Variants in MYO9A observed in about 807,000 individuals in gnomAD.
The protein encoded by MYO9A is unconventional myosin-IXa.
In MYO9A, 103 loss-of-function variants were observed where a neutral mutation model predicts 293.3. The ratio of observed to expected loss-of-function variants is 0.35; its 90% confidence interval spans 0.30 to 0.41. The LOEUF is 0.41. Ranked by LOEUF, MYO9A falls within the 10% of genes least tolerant of loss-of-function variation. The probability of loss-of-function intolerance (pLI) is 1.00; values close to 1 mark genes in which losing one functional copy is unlikely to be tolerated. For synonymous variants in MYO9A, 1,001 were observed against 1,035.7 expected, an observed-to-expected ratio of 0.97 and a Z score of 0.64; for missense variants, 2,685 against 3,033.0, an observed-to-expected ratio of 0.89 and a Z score of 2.69.
At chr15:71,887,122 A>G (rs2142867650) in intron 27 of MYO9A, among the ~76,000 whole-genome samples, 1 of 152,244 alleles carries the variant, frequency 6.6e-6, no homozygotes, top group South Asian at 2.1e-4. Flanking sequence ...CCATTTCTAA[A>G]ATGCTTACCT....
intron 10 of MYO9A, 23 bp from the exon 11 acceptor site, chr15:71,991,260 G>A (rs773816918): frequency 1.4e-5 from 22 of 1,538,104 alleles, no homozygotes; most frequent in Non-Finnish European, 1.9e-5. Context: ...AGAAAGTTTT[G>A]ATTAAAAGTA....
At chr15:71,847,555 A>G (rs2055441488) in intron 39 of MYO9A, 6 of 389,526 alleles carry the variant, frequency 1.5e-5, no homozygotes, top group Admixed American at 9.5e-5. Flanking sequence ...TAATCTTGCA[A>G]TGGACTGAAT....
chr15:71,843,691 G>A (rs73432498), intron 39 of MYO9A, among the ~76,000 whole-genome samples: 3,400 of 152,074 alleles, frequency 0.022, 122 homozygotes, highest in African/African-American at 0.079. Context: ...GGGTTTCACC[G>A]CATTGCCTAG....
intron 12 of MYO9A, among the ~76,000 whole-genome samples, chr15:71,974,694 A>G (rs2076093447): frequency 6.6e-6 from 1 of 152,142 alleles, no homozygotes; most frequent in African/African-American, 2.4e-5. Context: ...CCTTCACTCT[A>G]TCTAGCAAAA....
chr15:71,939,661 G>A (rs566911099), intron 15 of MYO9A, among the ~76,000 whole-genome samples: 114 of 152,168 alleles, frequency 7.5e-4, no homozygotes, highest in African/African-American at 2.6e-3. Flanking sequence ...TTATAAATAC[G>A]ATGAATATAA....
At chr15:71,867,595 TAA>T (rs765961606) in intron 32 of MYO9A, among the ~76,000 whole-genome samples, 80 of 125,214 alleles carry the variant, frequency 6.4e-4, no homozygotes, top group Admixed American at 7.9e-4. Flanking sequence ...AGACTGCAGT[TAA>T]AAAAAAAAAA....
chr15:72,069,201 T>C (rs1018607254), intron 1 of MYO9A, among the ~76,000 whole-genome samples: 10 of 152,184 alleles, frequency 6.6e-5, no homozygotes, highest in Non-Finnish European at 1.3e-4. Flanking sequence ...CATTAGACTT[T>C]TGCCAGCATA....
chr15:71,854,513 A>G lies in MYO9A; in HGVS notation c.6210T>C (p.Ser2070=), dbSNP rs748482472. ...QFGVELSRLT[S]EDRTVPLVVE... is the part of the protein sequence containing the mutation. ...CTACTAAAGGAACAGTTCGGTCTTC[A>G]CTGGTCAAACGGGACAGTTCAACCC... is the stretch of plus-strand genomic sequence containing the variant. Residue 2070 remains serine (S), a synonymous_variant, in exon 35 of 42, where the codon AGT becomes AGC. Coordinates refer to ENST00000356056, the MANE Select transcript of MYO9A (RefSeq NM_006901.4). The G allele has an allele frequency of 1.2e-6, 2 of 1,613,168 alleles. No homozygotes were observed. The highest frequency in any genetic ancestry group is 1.1e-5 in the South Asian group (1 of 90,736).
At chr15:71,966,702 A>C (rs2075886886) in intron 13 of MYO9A, among the ~76,000 whole-genome samples, 1 of 152,110 alleles carries the variant, frequency 6.6e-6, no homozygotes, top group Non-Finnish European at 1.5e-5. Context: ...CCAGTGCTTC[A>C]GTTTACCTTA....
intron 1 of MYO9A, among the ~76,000 whole-genome samples, chr15:72,074,860 G>A (rs1567011897): frequency 6.7e-6 from 1 of 148,338 alleles, no homozygotes; most frequent in African/African-American, 2.5e-5. Context: ...TTCCATGTCA[G>A]AATTAATAGT....
chr15:72,100,693 C>T (rs1421629915), intron 1 of MYO9A, among the ~76,000 whole-genome samples: 3 of 151,608 alleles, frequency 2.0e-5, no homozygotes, highest in Non-Finnish European at 3.0e-5. Context: ...CCCGCCGCCC[C>T]GTCTGAGAAG....
chr15:71,983,251 T>A (rs1438380742), intron 11 of MYO9A, among the ~76,000 whole-genome samples: 1 of 151,940 alleles, frequency 6.6e-6, no homozygotes, highest in Non-Finnish European at 1.5e-5. Flanking sequence ...TTATCCTCTG[T>A]ATTTTTTTTC....
chr15:71,834,529 T>C (rs1489215202), intron 39 of MYO9A, among the ~76,000 whole-genome samples: 1 of 152,000 alleles, frequency 6.6e-6, no homozygotes, highest in Non-Finnish European at 1.5e-5. Flanking sequence ...CCCAGAACTT[T>C]GGGAGGCTGA....
At chr15:72,101,733 G>A (rs1229074047) in intron 1 of MYO9A, among the ~76,000 whole-genome samples, 3 of 142,466 alleles carry the variant, frequency 2.1e-5, no homozygotes, top group Non-Finnish European at 4.6e-5. Context: ...CGTCTGGGAG[G>A]TGAGGGGCGC....
At chr15:71,999,106 C>CT (rs1344657920) in intron 9 of MYO9A, 1 of 152,138 alleles carries the variant, frequency 6.6e-6, no homozygotes, top group Non-Finnish European at 1.5e-5. Context: ...CAATGTCAAG[C>CT]TTAAAAAACA....
chr15:72,020,765 T>A (rs923103175), intron 5 of MYO9A, among the ~76,000 whole-genome samples, 153 bp downstream of exon 5: 3 of 152,216 alleles, frequency 2.0e-5, no homozygotes, highest in Non-Finnish European at 4.4e-5. Flanking sequence ...ATCCTCAAAT[T>A]TGAGAACTGC....
At chr15:71,958,931 G>C (rs779775521) in intron 14 of MYO9A, 7 of 152,182 alleles carry the variant, frequency 4.6e-5, no homozygotes, top group Non-Finnish European at 1.0e-4. Context: ...GGCTTTGACA[G>C]TAAATACAAG....
At chr15:71,935,825 T>A (rs558597906) in intron 16 of MYO9A, among the ~76,000 whole-genome samples, 1 of 152,168 alleles carries the variant, frequency 6.6e-6, no homozygotes, top group Non-Finnish European at 1.5e-5. Context: ...AATTTTCAAA[T>A]GCTACTATAG....
chr15:72,067,731 T>C (rs769874087), intron 1 of MYO9A, among the ~76,000 whole-genome samples: 33 of 152,192 alleles, frequency 2.2e-4, no homozygotes, highest in Admixed American at 5.2e-4. Context: ...ACAAGACATA[T>C]TTCTATTGTT....
Sources: allele counts gnomAD v4.1 joint callset (sites outside exome capture counted in the v4.1 genomes callset), GRCh38; gene constraint gnomAD v4.1.1; transcripts MANE v1.5; gene names NCBI Gene and HGNC (gene_info 2026-07-23, HGNC 2026-07-21).